The following TSNARE1 variants were observed in gnomAD, a reference collection of about 807,000 sequenced individuals.
TSNARE1 encodes t-SNARE domain-containing protein 1.
Under a neutral mutation model 62.0 loss-of-function variants are expected in TSNARE1, and 49 were observed. That is an observed-to-expected ratio of 0.79 (90% CI 0.63 to 1.00). The LOEUF (loss-of-function observed/expected upper bound fraction) is 1.00. Among genes scored for constraint, TSNARE1 ranks in the 50% least tolerant of loss-of-function variants. The pLI is 0.00. For synonymous variants in TSNARE1, 328 were observed against 294.4 expected (o/e 1.11, Z -1.17); for missense variants, 755 against 700.1 (o/e 1.08, Z -0.88).
At chr8:142,382,774 G>C (rs1242136008) in intron 1 of TSNARE1, among the ~76,000 whole-genome samples, 2 of 152,242 alleles carry the variant, frequency 1.3e-5, no homozygotes, top group Non-Finnish European at 2.9e-5. Flanking sequence ...CCCTGCCTAG[G>C]GCCAGTGGCC....
intron 1 of TSNARE1, among the ~76,000 whole-genome samples, chr8:142,400,503 G>A (rs1838207534): frequency 6.6e-6 from 1 of 151,886 alleles, no homozygotes; most frequent in Non-Finnish European, 1.5e-5. Flanking sequence ...CACTTTGGGA[G>A]GCCGAGGTGG....
chr8:142,235,445 C>T (rs1292615149), intron 12 of TSNARE1, among the ~76,000 whole-genome samples: 1 of 141,142 alleles, frequency 7.1e-6, no homozygotes, highest in African/African-American at 2.5e-5. Context: ...TGCACCCTGG[C>T]CCCCCATTCC....
intron 12 of TSNARE1, among the ~76,000 whole-genome samples, chr8:142,243,434 C>T (rs893186691): frequency 6.6e-6 from 1 of 152,140 alleles, no homozygotes; most frequent in Non-Finnish European, 1.5e-5. Context: ...GAAGGAAATC[C>T]TCTCATTCGT....
chr8:142,337,321 C>T (rs1424348776), intron 4 of TSNARE1, among the ~76,000 whole-genome samples: 1 of 152,204 alleles, frequency 6.6e-6, no homozygotes, highest in African/African-American at 2.4e-5. Context: ...AGCAATTCAA[C>T]TTGCAGGTAA....
rs1160493791 is a variant in TSNARE1 at position 142,305,751 on chromosome 8, G to A, written c.1132-5107C>T. On this transcript the variant is annotated intron_variant, in intron 9 of 13. Coordinates refer to ENST00000524325, the MANE Select transcript of TSNARE1 (RefSeq NM_145003.5). ...TTGCTGGCAAGGTGCTGGGGCAAGC[G>A]CAGAGGGGACGGCCCTGTGATAGTT... 1.2e-4 allele frequency among the ~76,000 whole-genome samples: 19 copies of A among 152,342 alleles called. No individual in the cohort carries two copies. The East Asian group carries it at 1.7e-3, about 14-fold the overall frequency.
chr8:142,331,859 A>C, intron 4 of TSNARE1, 28 bp from the exon 5 acceptor site: 1 of 1,590,124 alleles, frequency 6.3e-7, no homozygotes, highest in Non-Finnish European at 8.6e-7. Context: ...GGAGGAAAGA[A>C]CACAGGCTAA....
At chr8:142,229,095 T>A (rs1404182218) in intron 13 of TSNARE1, among the ~76,000 whole-genome samples, 1 of 68,952 alleles carries the variant, frequency 1.5e-5, no homozygotes, top group Non-Finnish European at 2.6e-5. Context: ...GATGAATGGA[T>A]GGATGGATGG....
intron 10 of TSNARE1, among the ~76,000 whole-genome samples, chr8:142,288,549 G>C (rs1823181745): frequency 6.6e-6 from 1 of 152,244 alleles, no homozygotes; most frequent in South Asian, 2.1e-4. Flanking sequence ...GTCCTCCTGG[G>C]CAGAAGGGTT....
rs75471397 is a variant in TSNARE1 at position 142,324,535 on chromosome 8, G to A, written c.894-5901C>T. On this transcript the variant is annotated intron_variant, in intron 6 of 13. Coordinates refer to ENST00000524325, the MANE Select transcript of TSNARE1 (RefSeq NM_145003.5). ...CCGGGGCCAGAACCGACCTGAGTAC[G>A]GAGGCTCTCGCATTTGCTTGTCATT... Among the ~76,000 whole-genome samples the A allele has an allele frequency of 4.6e-3, 695 of 152,332 alleles. 8 individuals are homozygous for A. The highest frequency in any genetic ancestry group is 0.016 in the African/African-American group (650 of 41,564).
chr8:142,301,088 GCCC>G (rs1024977691), intron 9 of TSNARE1, among the ~76,000 whole-genome samples: 1 of 144,322 alleles, frequency 6.9e-6, no homozygotes, highest in Non-Finnish European at 1.5e-5. Context: ...CGGCCACAGT[GCCC>G]CCCACCTTCC....
rs189652221 is a variant in TSNARE1 at position 142,315,615 on chromosome 8, C to T, written c.985-523G>A. Among the ~76,000 whole-genome samples, 125 of 149,984 alleles carry T rather than the reference C, an allele frequency of 8.3e-4. 1 individual carries two copies. The highest frequency in any genetic ancestry group is 2.1e-3 in the African/African-American group (85 of 39,780). ...CTTCAGAGCTGGAGCTGGAGAAGCACGGAGCCGGGGTGGGGCTGGACACGC... is the reference window on the plus strand; with the variant it reads ...CTTCAGAGCTGGAGCTGGAGAAGCATGGAGCCGGGGTGGGGCTGGACACGC... On this transcript the variant is annotated intron_variant, in intron 7 of 13. Transcript: ENST00000524325.
chr8:142,267,987 T>A (rs1819228872), intron 12 of TSNARE1, among the ~76,000 whole-genome samples: 1 of 152,190 alleles, frequency 6.6e-6, no homozygotes, highest in African/African-American at 2.4e-5. Context: ...GACCACAGTC[T>A]CCTTCCTGGC....
intron 1 of TSNARE1, among the ~76,000 whole-genome samples, chr8:142,361,435 A>G (rs1835154175): frequency 6.6e-6 from 1 of 152,176 alleles, no homozygotes; most frequent in South Asian, 2.1e-4. Context: ...ACCAGGACAC[A>G]CGGCAGCAGA....
chr8:142,213,307 A>G (rs2129796585), intron 13 of TSNARE1, among the ~76,000 whole-genome samples: 1 of 138,542 alleles, frequency 7.2e-6, no homozygotes, highest in Non-Finnish European at 1.6e-5. Flanking sequence ...GCTGGGGAGA[A>G]TGCCCCTCCT....
chr8:142,338,194 C>T (rs4501708), intron 4 of TSNARE1, among the ~76,000 whole-genome samples: 42,844 of 152,184 alleles, frequency 0.28, 7,912 homozygotes, highest in African/African-American at 0.52. Context: ...CGCCAAAAGG[C>T]GGCAGGCACG....
chr8:142,305,365 A>C (rs1443361129), intron 9 of TSNARE1, among the ~76,000 whole-genome samples: 2 of 152,106 alleles, frequency 1.3e-5, no homozygotes, highest in East Asian at 3.9e-4. Flanking sequence ...AGGGGGGTGC[A>C]AACGGGGTTC....
chr8:142,302,300 A>C (rs1825918589), intron 9 of TSNARE1, among the ~76,000 whole-genome samples: 1 of 152,132 alleles, frequency 6.6e-6, no homozygotes, highest in African/African-American at 2.4e-5. Flanking sequence ...CTGCCTGCCC[A>C]GGCAGGTGCT....
intron 12 of TSNARE1, among the ~76,000 whole-genome samples, chr8:142,252,936 G>A (rs966884741): frequency 6.6e-6 from 1 of 152,184 alleles, no homozygotes; most frequent in African/African-American, 2.4e-5. Flanking sequence ...GCACAGACAC[G>A]CCTGCTCTGC....
At chr8:142,368,704 G>T (rs1031419312) in intron 1 of TSNARE1, among the ~76,000 whole-genome samples, 1 of 152,160 alleles carries the variant, frequency 6.6e-6, no homozygotes, top group African/African-American at 2.4e-5. Context: ...GGACCCCTGG[G>T]GTGCAGGTGC....
Sources: gnomAD v4.1 joint callset for allele counts (sites outside exome capture counted in the v4.1 genomes callset) on GRCh38, gnomAD v4.1.1 for gene constraint, MANE v1.5 for transcripts, NCBI Gene and HGNC (gene_info 2026-07-23, HGNC 2026-07-21) for gene names.